Variants in MMS22L observed in about 807,000 individuals in gnomAD.
MMS22L encodes MMS22 like, DNA repair protein.
A neutral mutation model predicts 159.1 loss-of-function variants in MMS22L; 74 were observed. The ratio of observed to expected loss-of-function variants is 0.47; its 90% CI spans 0.39 to 0.56. MMS22L has a LOEUF of 0.56. Ranked by LOEUF, MMS22L falls within the 20% of genes least tolerant of loss-of-function variation. MMS22L has a pLI of 0.00. For missense variants in MMS22L, 1,351 were observed against 1,422.1 expected, an observed-to-expected ratio of 0.95 and a Z score of 0.80; for synonymous variants, 517 against 506.9, an observed-to-expected ratio of 1.02 and a Z score of -0.27.
intron 15 of MMS22L, among the ~76,000 whole-genome samples, chr6:97,185,133 C>T (rs1223757513): frequency 1.3e-5 from 2 of 151,928 alleles, no homozygotes; most frequent in Non-Finnish European, 2.9e-5. Flanking sequence ...ATCACAACTG[C>T]CTCTGGCCTT....
intron 14 of MMS22L, among the ~76,000 whole-genome samples, chr6:97,222,034 A>G (rs894728046): frequency 6.6e-6 from 1 of 152,090 alleles, no homozygotes; most frequent in African/African-American, 2.4e-5. Context: ...AATATTATAT[A>G]AATTATTTGG....
chr6:97,151,224 T>C (rs528731470), intron 23 of MMS22L, among the ~76,000 whole-genome samples: 2 of 152,330 alleles, frequency 1.3e-5, no homozygotes, highest in African/African-American at 4.8e-5. Context: ...ACAATGGTAG[T>C]TCAGTACAAT....
At chr6:97,194,110 C>T (rs186527405) in intron 14 of MMS22L, among the ~76,000 whole-genome samples, 13 of 149,074 alleles carry the variant, frequency 8.7e-5, no homozygotes, top group Non-Finnish European at 1.3e-4. Context: ...CAGGCTGGAG[C>T]GCAGTGGCGC....
At chr6:97,276,839 C>G (rs1300709733) in intron 4 of MMS22L, among the ~76,000 whole-genome samples, 1 of 152,140 alleles carries the variant, frequency 6.6e-6, no homozygotes, top group Non-Finnish European at 1.5e-5. Flanking sequence ...ATTCCTTTAT[C>G]ACCGTACCTT....
intron 10 of MMS22L, among the ~76,000 whole-genome samples, chr6:97,246,987 GAAAA>G (rs5878471): frequency 6.9e-6 from 1 of 144,086 alleles, no homozygotes; most frequent in Admixed American, 6.9e-5. Context: ...AATCCAACAG[GAAAA>G]AAAAAAAATT....
intron 14 of MMS22L, among the ~76,000 whole-genome samples, chr6:97,225,586 C>CTTTTTTTTTTTTTT (rs1810148226): frequency 7.3e-5 from 10 of 136,614 alleles, no homozygotes; most frequent in African/African-American, 2.5e-4. Context: ...TTTTTTTTTT[C>CTTTTTTTTTTTTTT]TTTTGAGACC....
At chr6:97,218,788 T>C (rs1809302880) in intron 14 of MMS22L, among the ~76,000 whole-genome samples, 1 of 152,162 alleles carries the variant, frequency 6.6e-6, no homozygotes, top group African/African-American at 2.4e-5. Flanking sequence ...AGAGGTTTAA[T>C]TGACTCATAG....
intron 18 of MMS22L, 116 bp downstream of exon 18, chr6:97,178,327 T>C: frequency 1.3e-6 from 1 of 775,016 alleles, no homozygotes. Flanking sequence ...AGGCAATCAA[T>C]AATATGATTC....
chr6:97,193,015 A>G (rs1187223272), intron 14 of MMS22L, among the ~76,000 whole-genome samples: 2 of 152,212 alleles, frequency 1.3e-5, no homozygotes, highest in Admixed American at 6.5e-5. Flanking sequence ...CCATTTTACT[A>G]CACAAATAAA....
chr6:97,182,137 A>C, intron 15 of MMS22L, 83 bp from the exon 16 acceptor site: 2 of 1,105,130 alleles, frequency 1.8e-6, no homozygotes, highest in Non-Finnish European at 2.5e-6. Flanking sequence ...AATTATAACA[A>C]GTGTTTTTTT....
intron 10 of MMS22L, among the ~76,000 whole-genome samples, chr6:97,249,650 A>G (rs1179599248): frequency 6.6e-6 from 1 of 152,156 alleles, no homozygotes; most frequent in African/African-American, 2.4e-5. Flanking sequence ...GTACAAATCA[A>G]AGAATGAATT....
chr6:97,214,247 C>T (rs1808720278), intron 14 of MMS22L, among the ~76,000 whole-genome samples: 1 of 152,104 alleles, frequency 6.6e-6, no homozygotes, highest in African/African-American at 2.4e-5. Flanking sequence ...GAGCACATTC[C>T]CCACAGCCTT....
intron 11 of MMS22L, among the ~76,000 whole-genome samples, chr6:97,243,172 C>T (rs1812264614): frequency 6.6e-6 from 1 of 152,170 alleles, no homozygotes. Flanking sequence ...CATAAGTTTT[C>T]CAAACTTTTA....
At position 97,242,030 on chromosome 6, in the gene MMS22L, T is replaced by G. The variant is rs192342087; in HGVS notation, c.1182+4598A>C. On this transcript the variant is annotated intron_variant, in intron 11 of 24. Coordinates refer to ENST00000683635, the MANE Select transcript of MMS22L (RefSeq NM_001350599.2). The stretch of plus-strand genomic sequence containing the variant: ...GACTTGTGGCCTATCATATGGTCTA[T>G]CTTGGAGAATGTTCCATGTGCTGGT... Among the ~76,000 whole-genome samples, 18 of 152,332 alleles carry G rather than the reference T, an allele frequency of 1.2e-4. No homozygotes were observed. In the East Asian group the frequency reaches 2.3e-3, roughly 20 times the overall value.
chr6:97,205,120 C>T (rs12212521), intron 14 of MMS22L, among the ~76,000 whole-genome samples: 98,722 of 150,980 alleles, frequency 0.65, 33,579 homozygotes, highest in Non-Finnish European at 0.76. Flanking sequence ...ATTTTTTGTA[C>T]TTTTAGTAGA....
intron 14 of MMS22L, among the ~76,000 whole-genome samples, chr6:97,223,472 C>T (rs1809871345): frequency 6.6e-6 from 1 of 152,028 alleles, no homozygotes; most frequent in Admixed American, 6.6e-5. Flanking sequence ...GGGCGGCGAG[C>T]TTATGCTTTA....
Position 97,267,973 on chromosome 6 carries a change from T to A in MMS22L, c.727A>T (p.Asn243Tyr). ...TTGGTTAAATTGTCACTTGCCAGAT[T>A]CATAAACTGATGACCATATACAACT... is the stretch of plus-strand genomic sequence containing the variant. The part of the protein sequence containing the change: ...KQVVYGHQFM[N>Y]LASDNLTNIS... Residue 243 changes from asparagine (N) to tyrosine (Y), a missense_variant, in exon 8 of 25, where the codon AAT becomes TAT. Asn to Tyr is a moderately radical substitution (Grantham distance 143). Transcript: ENST00000683635. 6.3e-7 allele frequency: 1 copy of A among 1,598,998 alleles called. No individual in the cohort carries two copies. Among genetic ancestry groups the A allele is most frequent in the Non-Finnish European group, 8.5e-7 (1 of 1,173,556 alleles).
chr6:97,257,731 T>G (rs1292474052), intron 9 of MMS22L, among the ~76,000 whole-genome samples: 2 of 152,230 alleles, frequency 1.3e-5, no homozygotes, highest in African/African-American at 4.8e-5. Flanking sequence ...CTGGTCTATT[T>G]TTGTTCTTTC....
intron 14 of MMS22L, among the ~76,000 whole-genome samples, chr6:97,225,718 A>G (rs955208292): frequency 2.6e-5 from 4 of 151,762 alleles, no homozygotes; most frequent in African/African-American, 7.3e-5. Context: ...GACTACAGGC[A>G]CCCGCCACCA....
Sources: gnomAD v4.1 joint callset for allele counts (sites outside exome capture counted in the v4.1 genomes callset) on GRCh38, gnomAD v4.1.1 for gene constraint, MANE v1.5 for transcripts, NCBI Gene and HGNC (gene_info 2026-07-23, HGNC 2026-07-21) for gene names.